C12orf42: variants seen among roughly 807,000 people sequenced by gnomAD.
The protein encoded by C12orf42 is chromosome 12 open reading frame 42, also known as uncharacterized protein C12orf42.
C12orf42 carries 25 observed loss-of-function variants against 21.6 expected under a neutral mutation model. That is an observed-to-expected ratio of 1.16 (90% CI 0.84 to 1.62). The LOEUF is 1.62. Among genes scored for constraint, C12orf42 ranks in the 40% most tolerant of loss-of-function variants. The probability of loss-of-function intolerance (pLI) is 0.00; values close to 1 mark genes in which losing one functional copy is unlikely to be tolerated. For synonymous variants in C12orf42, 174 were observed against 175.0 expected (o/e 0.99, Z 0.05); for missense variants, 483 against 459.3 (o/e 1.05, Z -0.47).
chr12:103,193,277 A>T, the C12orf42 span, among the ~76,000 whole-genome samples: 4 of 151,544 alleles, frequency 2.6e-5, no homozygotes, highest in Non-Finnish European at 1.5e-5. Flanking sequence ...ACCTATATTT[A>T]AAAAAAAGAG....
chr12:103,053,949 A>G, the C12orf42 span, among the ~76,000 whole-genome samples: 1 of 151,758 alleles, frequency 6.6e-6, no homozygotes, highest in Non-Finnish European at 1.5e-5. Context: ...TATTTCATTG[A>G]TTTATGTGCC....
the C12orf42 span, among the ~76,000 whole-genome samples, chr12:103,131,187 T>C: frequency 1.2e-4 from 19 of 152,156 alleles, no homozygotes; most frequent in Non-Finnish European, 2.4e-4. Flanking sequence ...TTGCATCTAT[T>C]ACAAGAGAAG....
chr12:103,066,094 C>A, the C12orf42 span, among the ~76,000 whole-genome samples: 1 of 152,110 alleles, frequency 6.6e-6, no homozygotes, highest in South Asian at 2.1e-4. Context: ...TGGAGCAAGG[C>A]CCTGTCATCT....
chr12:103,214,073 A>G, the C12orf42 span, among the ~76,000 whole-genome samples: 2 of 152,210 alleles, frequency 1.3e-5, no homozygotes, highest in African/African-American at 2.4e-5. Context: ...GCACTTTTCT[A>G]AGCACTTTGT....
intron 10 of C12orf42, among the ~76,000 whole-genome samples, chr12:103,243,609 T>C (rs2033861074): frequency 6.6e-6 from 1 of 152,178 alleles, no homozygotes; most frequent in Non-Finnish European, 1.5e-5. Context: ...CATTTAATGA[T>C]TGATGATGCC....
intron 4 of C12orf42, among the ~76,000 whole-genome samples, chr12:103,321,126 A>G (rs4379920): frequency 0.36 from 54,608 of 151,560 alleles, 11,054 homozygotes; most frequent in African/African-American, 0.53. Context: ...CTGACAAAGG[A>G]CTAATATCCA....
At chr12:103,357,004 G>C (rs2137593873) in intron 4 of C12orf42, among the ~76,000 whole-genome samples, 1 of 151,976 alleles carries the variant, frequency 6.6e-6, no homozygotes, top group South Asian at 2.1e-4. Context: ...TAGGGACATG[G>C]ATGAAATTGG....
At chr12:103,222,716 C>G in the C12orf42 span, among the ~76,000 whole-genome samples, 3 of 151,858 alleles carry the variant, frequency 2.0e-5, no homozygotes, top group African/African-American at 7.3e-5. Context: ...TACATATTTC[C>G]CTTGTACTGA....
At chr12:103,437,694 A>G (rs9668375) in intron 2 of C12orf42, among the ~76,000 whole-genome samples, 123,487 of 149,578 alleles carry the variant, frequency 0.83, 51,050 homozygotes, top group Admixed American at 0.88. Flanking sequence ...ACTCTCCCAA[A>G]ACTAAACCAG....
the C12orf42 span, chr12:103,505,051 A>G: frequency 3.3e-6 from 1 of 302,716 alleles, no homozygotes; most frequent in South Asian, 3.7e-5. Context: ...TGGAGTGGGA[A>G]GTGAGAGACA....
intron 1 of C12orf42, among the ~76,000 whole-genome samples, chr12:103,489,735 T>C (rs949448413): frequency 6.6e-6 from 1 of 152,232 alleles, no homozygotes; most frequent in African/African-American, 2.4e-5. Context: ...CAAGGCTCCA[T>C]GGGCATGGGA....
chr12:103,392,938 G>C (rs925565241), intron 3 of C12orf42, among the ~76,000 whole-genome samples: 1 of 152,204 alleles, frequency 6.6e-6, no homozygotes, highest in Non-Finnish European at 1.5e-5. Flanking sequence ...GGTGGAGGTG[G>C]TGGCAGGTGG....
intron 4 of C12orf42, among the ~76,000 whole-genome samples, chr12:103,348,970 C>T (rs2042868973): frequency 6.6e-6 from 1 of 152,168 alleles, no homozygotes; most frequent in Admixed American, 6.6e-5. Context: ...TCATGTTCTT[C>T]ACAAACAGAA....
At chr12:103,193,341 AAAG>A in the C12orf42 span, among the ~76,000 whole-genome samples, 1 of 151,696 alleles carries the variant, frequency 6.6e-6, no homozygotes, top group African/African-American at 2.4e-5. Context: ...GCACTAGAAA[AAAG>A]AAGAAAAAAC....
chr12:103,252,175 T>G (rs7964115), intron 10 of C12orf42, among the ~76,000 whole-genome samples: 1 of 152,208 alleles, frequency 6.6e-6, no homozygotes, highest in East Asian at 1.9e-4. Context: ...TGCCACATTT[T>G]CTTTATCCAG....
chr12:103,333,793 C>T (rs2041453040), intron 4 of C12orf42, among the ~76,000 whole-genome samples: 1 of 152,166 alleles, frequency 6.6e-6, no homozygotes, highest in Admixed American at 6.5e-5. Flanking sequence ...CAAAAGCACA[C>T]AAAATGTGAG....
At chr12:103,134,695 A>T in the C12orf42 span, among the ~76,000 whole-genome samples, 1 of 152,186 alleles carries the variant, frequency 6.6e-6, no homozygotes, top group Non-Finnish European at 1.5e-5. Context: ...AAACCTATTT[A>T]AGAAAAGAGT....
chr12:103,410,305 G>T (rs1163172228), intron 2 of C12orf42, among the ~76,000 whole-genome samples: 1 of 152,194 alleles, frequency 6.6e-6, no homozygotes, highest in East Asian at 1.9e-4. Flanking sequence ...TGTTAATCCT[G>T]CTTCTCCAAT....
chr12:103,531,449 C>T, the C12orf42 span, among the ~76,000 whole-genome samples: 1 of 152,138 alleles, frequency 6.6e-6, no homozygotes, highest in Non-Finnish European at 1.5e-5. Flanking sequence ...AGCAGTAGCA[C>T]AGAATCAAGG....
Sources: allele counts gnomAD v4.1 joint callset (sites outside exome capture counted in the v4.1 genomes callset), GRCh38; gene constraint gnomAD v4.1.1; transcripts MANE v1.5; gene names NCBI Gene and HGNC (gene_info 2026-07-23, HGNC 2026-07-21).